The following CKAP2L variants were observed in gnomAD, a reference collection of about 807,000 sequenced individuals.
CKAP2L encodes cytoskeleton-associated protein 2-like.
A neutral mutation model predicts 65.7 loss-of-function variants in CKAP2L; 42 were observed. That is an observed-to-expected ratio of 0.64 (90% CI 0.50 to 0.83). The LOEUF (loss-of-function observed/expected upper bound fraction) is 0.83, where lower values mean the gene tolerates loss of function less well. Ranked by LOEUF, CKAP2L falls within the 40% of genes least tolerant of loss-of-function variation. The probability of loss-of-function intolerance (pLI) is 0.00; values close to 1 mark genes in which losing one functional copy is unlikely to be tolerated. For missense variants in CKAP2L, 908 were observed against 871.0 expected (o/e 1.04, Z -0.53); for synonymous variants, 325 against 313.5 (o/e 1.04, Z -0.39).
At position 112,756,167 on chromosome 2, in the gene CKAP2L, T is replaced by C; in HGVS notation, c.1204A>G (p.Ser402Gly). ...CCATTATTGTTATGTTTATTACCAC[T>C]GGTTCCATTTGGTCTTATGCTAGGG... ...STPSIRPNGT[S>G]GNKHNNNGFQ... The change falls in exon 4 of 9, where the codon AGT becomes GGT. Residue 402 changes from serine to glycine, a missense_variant. Ser to Gly is a moderately conservative substitution (Grantham distance 56). Coordinates refer to ENST00000302450, the MANE Select transcript of CKAP2L (RefSeq NM_152515.5). 6.2e-7 allele frequency: 1 copy of C among 1,614,132 alleles called. No homozygotes were observed. The highest frequency in any genetic ancestry group is 8.5e-7 in the Non-Finnish European group (1 of 1,179,966).
chr2:112,764,210 A>C, intron 1 of CKAP2L: 1 of 338,782 alleles, frequency 3.0e-6, no homozygotes. Context: ...GCCTGGAGCC[A>C]AATGTGGATC....
intron 7 of CKAP2L, 155 bp downstream of exon 7, chr2:112,742,551 C>A: frequency 1.4e-6 from 1 of 707,476 alleles, no homozygotes; most frequent in Non-Finnish European, 2.6e-6. Context: ...ACAAATAAGT[C>A]AGCTGATGAC....
At chr2:112,759,042 G>A (rs889650693) in intron 3 of CKAP2L, among the ~76,000 whole-genome samples, 5 of 152,124 alleles carry the variant, frequency 3.3e-5, no homozygotes, top group Admixed American at 2.6e-4. Context: ...TTAGCATAAC[G>A]TTTTCAAGAT....
At chr2:112,740,552 C>A (rs1383808484) in intron 8 of CKAP2L, among the ~76,000 whole-genome samples, 1 of 152,200 alleles carries the variant, frequency 6.6e-6, no homozygotes, top group Non-Finnish European at 1.5e-5. Context: ...GGACTTTGTG[C>A]CCCATCTTAT....
chr2:112,762,711 T>C, intron 1 of CKAP2L, 142 bp from the exon 2 acceptor site: 1 of 646,736 alleles, frequency 1.5e-6, no homozygotes, highest in Non-Finnish European at 2.8e-6. Context: ...CCTATAAATG[T>C]GCCTTCAAGC....
chr2:112,758,649 T>C (rs1680617173), intron 3 of CKAP2L, among the ~76,000 whole-genome samples: 1 of 152,208 alleles, frequency 6.6e-6, no homozygotes, highest in African/African-American at 2.4e-5. Flanking sequence ...TCTCCATCAT[T>C]GCTTACTGAA....
rs1679263996 is a variant in CKAP2L, at chr2:112,736,888, A to C, written c.*1935T>G. The C allele has an allele frequency of 6.6e-6, 1 of 151,880 alleles. No homozygotes were observed. The highest frequency in any genetic ancestry group is 1.5e-5 in the Non-Finnish European group (1 of 68,006). The allele number at this position is 151,880 out of a possible 1,614,324, so 9.4% of individuals were successfully genotyped here. ...CTTGGCTATTGAGAATAACACTGCC[A>C]CAAACATGTGAGTGCAGATATCTTT... On this transcript the variant is annotated 3_prime_UTR_variant, in exon 9 of 9. Transcript: ENST00000302450.
At position 112,740,882 on chromosome 2, in the gene CKAP2L, G is replaced by A. The variant is rs146748331; in HGVS notation, c.1948C>T (p.Arg650Ter). 4.3e-6 allele frequency: 7 copies of A among 1,613,778 alleles called. No individual in the cohort carries two copies. Among genetic ancestry groups the A allele is most frequent in the Non-Finnish European group, 4.2e-6 (5 of 1,179,890 alleles). ...KEREQVTATP[R>*]IAKAEQHNYP... is the part of the protein sequence containing the mutation. ...TTATGCTGTTCTGCCTTGGCTATTC[G>A]GGGTGTCGCCGTGACTTGTTCCCTC... is the stretch of plus-strand genomic sequence containing the variant. The change falls in exon 8 of 9, where the codon CGA becomes TGA. Residue 650 changes from arginine to a stop codon, truncating the protein, a stop_gained. Transcript: ENST00000302450. LOFTEE classifies it high-confidence loss of function.
intron 1 of CKAP2L, 58 bp from the exon 2 acceptor site, chr2:112,762,627 C>A: frequency 7.4e-7 from 1 of 1,348,250 alleles, no homozygotes; most frequent in South Asian, 1.2e-5. Context: ...TTAACCAGTT[C>A]ATTAATATTC....
intron 1 of CKAP2L, among the ~76,000 whole-genome samples, chr2:112,763,125 A>G (rs769342505): frequency 3.3e-5 from 5 of 152,188 alleles, no homozygotes; most frequent in Admixed American, 2.0e-4. Flanking sequence ...AAACAATCCA[A>G]TGAGTTTTTG....
In CKAP2L at chr2:112,740,976, A is replaced by C. The variant is rs761163846; in HGVS notation, c.1854T>G (p.Thr618=). The C allele has an allele frequency of 6.2e-7, 1 of 1,613,502 alleles. No homozygotes were observed. Among genetic ancestry groups the C allele is most frequent in the Non-Finnish European group, 8.5e-7 (1 of 1,179,528 alleles). Residue 618 remains threonine (T), a synonymous_variant, in exon 8 of 9, where the codon ACT becomes ACG. Transcript: ENST00000302450. ...CCAGCTCTTCCACTGATGTTATACT[A>C]GTTTCAGCAACTAAAGAGTCAGAAG... The part of the protein sequence containing the change: ...GITSDSLVAE[T]SITSVEELAK...
At chr2:112,746,848 C>T (rs545649251) in intron 5 of CKAP2L, among the ~76,000 whole-genome samples, 11 of 147,982 alleles carry the variant, frequency 7.4e-5, no homozygotes, top group East Asian at 2.0e-4. Context: ...AGTGCAATGG[C>T]GCGATCTCGG....
intron 2 of CKAP2L, among the ~76,000 whole-genome samples, chr2:112,762,117 T>C (rs1292189498): frequency 6.6e-6 from 1 of 152,212 alleles, no homozygotes; most frequent in Non-Finnish European, 1.5e-5. Flanking sequence ...GGATTGATTG[T>C]AACTGGCTCT....
At chr2:112,746,746 A>G (rs1162771263) in intron 5 of CKAP2L, among the ~76,000 whole-genome samples, 171 bp from the exon 6 acceptor site, 1 of 152,140 alleles carries the variant, frequency 6.6e-6, no homozygotes, top group Non-Finnish European at 1.5e-5. Flanking sequence ...AATAAAATGC[A>G]CCTGTTTTAA....
chr2:112,762,750 A>G (rs746700409), intron 1 of CKAP2L, among the ~76,000 whole-genome samples, 181 bp from the exon 2 acceptor site: 3 of 151,796 alleles, frequency 2.0e-5, no homozygotes, highest in Non-Finnish European at 4.4e-5. Context: ...TATCATTTAT[A>G]TGCCAGGCCT....
At chr2:112,761,425 C>A (rs1397991621) in intron 2 of CKAP2L, among the ~76,000 whole-genome samples, 1 of 138,494 alleles carries the variant, frequency 7.2e-6, no homozygotes, top group African/African-American at 2.8e-5. Flanking sequence ...TGCGCCACTG[C>A]ACTCCAGCCT....
intron 1 of CKAP2L, 26 bp from the exon 2 acceptor site, chr2:112,762,595 G>A: frequency 6.3e-7 from 1 of 1,583,050 alleles, no homozygotes; most frequent in Non-Finnish European, 8.7e-7. Context: ...GCAAACAAAC[G>A]ACATAACTTT....
intron 1 of CKAP2L, among the ~76,000 whole-genome samples, 173 bp downstream of exon 1, chr2:112,764,389 C>A (rs956314453): frequency 1.3e-5 from 2 of 152,206 alleles, no homozygotes; most frequent in African/African-American, 2.4e-5. Flanking sequence ...CGCCCAGGAC[C>A]CAGACGTCTA....
At chr2:112,750,295 G>T (rs944389121) in intron 5 of CKAP2L, among the ~76,000 whole-genome samples, 5 of 152,204 alleles carry the variant, frequency 3.3e-5, no homozygotes, top group African/African-American at 1.2e-4. Flanking sequence ...AGCATCTTGT[G>T]CACACAGGCT....
Sources: allele counts gnomAD v4.1 joint callset (sites outside exome capture counted in the v4.1 genomes callset), GRCh38; gene constraint gnomAD v4.1.1; transcripts MANE v1.5; gene names NCBI Gene and HGNC (gene_info 2026-07-23, HGNC 2026-07-21).